VPS13B: variants seen among roughly 807,000 people sequenced by gnomAD.
The protein encoded by VPS13B is vacuolar protein sorting 13 homolog B.
In VPS13B, 285 loss-of-function variants were observed where a neutral mutation model predicts 426.4. The observed-to-expected ratio is 0.67, with a 90% CI of 0.61 to 0.74. The LOEUF is 0.74. Ranked by LOEUF, VPS13B falls within the 30% of genes least tolerant of loss-of-function variation. The probability of loss-of-function intolerance (pLI) is 0.00; values close to 1 mark genes in which losing one functional copy is unlikely to be tolerated. For synonymous variants in VPS13B, 1,676 were observed against 1,676.4 expected (o/e 1.00, Z 0.01); for missense variants, 4,537 against 4,782.6 (o/e 0.95, Z 1.51).
At chr8:99,399,821 A>T (rs1331300617) in intron 21 of VPS13B, among the ~76,000 whole-genome samples, 1 of 152,212 alleles carries the variant, frequency 6.6e-6, no homozygotes, top group African/African-American at 2.4e-5. Flanking sequence ...ATTAATTCTA[A>T]CAAAGTGTTC....
intron 23 of VPS13B, among the ~76,000 whole-genome samples, chr8:99,452,322 C>A (rs1371490019): frequency 6.6e-6 from 1 of 152,208 alleles, no homozygotes; most frequent in African/African-American, 2.4e-5. Context: ...GTCCCTCCAA[C>A]TCTGTGCTGT....
chr8:99,747,695 G>A (rs986091579), intron 39 of VPS13B, among the ~76,000 whole-genome samples: 5 of 151,874 alleles, frequency 3.3e-5, no homozygotes, highest in African/African-American at 1.2e-4. Context: ...GTTGTTTATT[G>A]TTCTATTGAG....
chr8:99,045,028 A>T (rs1843162969), intron 3 of VPS13B, among the ~76,000 whole-genome samples: 1 of 152,116 alleles, frequency 6.6e-6, no homozygotes, highest in Non-Finnish European at 1.5e-5. Flanking sequence ...GTGTGCAAGT[A>T]TCTTTTTTGT....
At chr8:99,869,329 G>C (rs1817271795) in intron 59 of VPS13B, among the ~76,000 whole-genome samples, 1 of 152,164 alleles carries the variant, frequency 6.6e-6, no homozygotes. Flanking sequence ...TGTGTTTCTA[G>C]GGAGGCATCC....
intron 43 of VPS13B, among the ~76,000 whole-genome samples, chr8:99,807,489 T>C (rs1813463055): frequency 6.6e-6 from 1 of 152,106 alleles, no homozygotes; most frequent in Non-Finnish European, 1.5e-5. Context: ...TTTCTTTTAG[T>C]TTTGTGTGTA....
chr8:99,757,115 T>C (rs1021896039), intron 39 of VPS13B, among the ~76,000 whole-genome samples: 5 of 152,340 alleles, frequency 3.3e-5, no homozygotes, highest in Admixed American at 1.3e-4. Flanking sequence ...AAAACACCGA[T>C]GATGGTAGAT....
intron 15 of VPS13B, among the ~76,000 whole-genome samples, chr8:99,158,455 C>G (rs544059381): frequency 1.3e-5 from 2 of 152,246 alleles, no homozygotes; most frequent in South Asian, 4.2e-4. Flanking sequence ...ATCGCCTGAA[C>G]CCGGGAGGCA....
chr8:99,338,964 G>T (rs952334887), intron 19 of VPS13B, among the ~76,000 whole-genome samples: 2 of 152,092 alleles, frequency 1.3e-5, no homozygotes, highest in African/African-American at 2.4e-5. Flanking sequence ...AGATCAAAAA[G>T]AAAGTCAATT....
At chr8:99,460,084 A>G (rs959532041) in intron 23 of VPS13B, among the ~76,000 whole-genome samples, 1 of 152,122 alleles carries the variant, frequency 6.6e-6, no homozygotes, top group African/African-American at 2.4e-5. Flanking sequence ...GGGGCTTTTA[A>G]CATTTCCATT....
At chr8:99,519,220 A>T (rs547028471) in intron 29 of VPS13B, among the ~76,000 whole-genome samples, 2 of 152,250 alleles carry the variant, frequency 1.3e-5, no homozygotes, top group East Asian at 3.9e-4. Context: ...ATCACTGGCC[A>T]TCAGAGAAAT....
Position 99,577,508 on chromosome 8 carries a change from C to T in VPS13B, c.5095C>T (p.His1699Tyr), listed in dbSNP as rs765021203. 1 of 1,613,722 alleles carries T rather than the reference C, an allele frequency of 6.2e-7. No individual in the cohort carries two copies. Among genetic ancestry groups the T allele is most frequent in the Admixed American group, 1.7e-5 (1 of 59,994 alleles). The change falls in exon 33 of 62, where the codon CAT (histidine) becomes TAT (tyrosine). Residue 1699 changes from histidine (H) to tyrosine (Y), a missense_variant. His to Tyr is a moderately conservative substitution (Grantham distance 83). Around this residue, in one of 2 missense-constraint regions of VPS13B, gnomAD observed 4,311 missense variants for 4,474.3 expected, o/e 0.96. Coordinates refer to ENST00000357162, the MANE Select transcript of VPS13B (RefSeq NM_152564.5). Reference protein sequence around the residue: ...LHTEEILVCGHSLEVNITTNL... With the variant: ...LHTEEILVCGYSLEVNITTNL... The stretch of plus-strand genomic sequence containing the variant: ...GCTTCAGGAGATTTTAGTGTGTGGC[C>T]ATTCCTTAGAAGTGAATATAACCAC...
At chr8:99,737,214 G>A (rs907662157) in intron 39 of VPS13B, among the ~76,000 whole-genome samples, 13 of 128,652 alleles carry the variant, frequency 1.0e-4, no homozygotes, top group African/African-American at 2.7e-4. Flanking sequence ...TCCGCCTCCC[G>A]GGTTCATGCC....
chr8:99,036,812 T>C (rs1305537043), intron 2 of VPS13B, among the ~76,000 whole-genome samples: 1 of 152,148 alleles, frequency 6.6e-6, no homozygotes, highest in Admixed American at 6.5e-5. Flanking sequence ...AATGTGCTCA[T>C]TGTCCAGTTA....
chr8:99,782,436 G>A (rs1260790556), intron 42 of VPS13B, among the ~76,000 whole-genome samples: 1 of 151,994 alleles, frequency 6.6e-6, no homozygotes, highest in Admixed American at 6.6e-5. Context: ...CTCTGAAGGT[G>A]AAATATAGAA....
chr8:99,623,464 T>G (rs531377046), intron 33 of VPS13B, among the ~76,000 whole-genome samples: 24 of 152,302 alleles, frequency 1.6e-4, no homozygotes, highest in Middle Eastern at 3.4e-3. Flanking sequence ...GGAGAGTTTT[T>G]TTGTTGTTGT....
chr8:99,818,466 A>C lies in VPS13B; in HGVS notation c.8377A>C (p.Ser2793Arg). The C allele has an allele frequency of 6.2e-7, 1 of 1,614,086 alleles. No homozygotes were observed. Among genetic ancestry groups the C allele is most frequent in the Non-Finnish European group, 8.5e-7 (1 of 1,179,952 alleles). ...TCATGTGCAGGTGCCATCTTCAAAC[A>C]GTTCCATTATTTATGTCTGGTGCAC... is the stretch of plus-strand genomic sequence containing the variant. ...SIVIQVPSSNSSIIYVWCTVL... is the reference protein window; with the variant it reads ...SIVIQVPSSNRSIIYVWCTVL... The change falls in exon 46 of 62, where the codon AGT (serine) becomes CGT (arginine). Residue 2793 changes from serine to arginine, a missense_variant. Around this residue, in one of 2 missense-constraint regions of VPS13B, gnomAD observed 4,311 missense variants for 4,474.3 expected, o/e 0.96. Coordinates refer to ENST00000357162, the MANE Select transcript of VPS13B (RefSeq NM_152564.5).
At chr8:99,655,106 C>T (rs912937548) in intron 34 of VPS13B, among the ~76,000 whole-genome samples, 2 of 152,164 alleles carry the variant, frequency 1.3e-5, no homozygotes, top group African/African-American at 4.8e-5. Context: ...AAAGTTGATA[C>T]ACCCAGACAC....
At chr8:99,026,699 C>A (rs1054251253) in intron 2 of VPS13B, among the ~76,000 whole-genome samples, 3 of 151,938 alleles carry the variant, frequency 2.0e-5, no homozygotes, top group Non-Finnish European at 4.4e-5. Flanking sequence ...TATATGATGA[C>A]CTTCTTTGTC....
chr8:99,730,037 C>T (rs1833526772), intron 39 of VPS13B, among the ~76,000 whole-genome samples: 1 of 152,186 alleles, frequency 6.6e-6, no homozygotes, highest in African/African-American at 2.4e-5. Context: ...CCACACATAG[C>T]TTAAAAAGAA....
Sources: allele counts gnomAD v4.1 joint callset (sites outside exome capture counted in the v4.1 genomes callset), GRCh38; gene constraint gnomAD v4.1.1; regional missense constraint gnomAD v4.1.1; transcripts MANE v1.5; gene names NCBI Gene and HGNC (gene_info 2026-07-23, HGNC 2026-07-21).